Variants in KCNMB2 observed in about 807,000 individuals in gnomAD.
KCNMB2 encodes the protein calcium-activated potassium channel subunit beta-2.
KCNMB2 carries 9 observed loss-of-function variants against 24.5 expected under a neutral mutation model. That is an observed-to-expected ratio of 0.37 (90% CI 0.22 to 0.64). The LOEUF is 0.64. Among genes scored for constraint, KCNMB2 ranks in the 30% least tolerant of loss-of-function variants. The pLI is 0.63. For missense variants in KCNMB2, 226 were observed against 284.3 expected (o/e 0.79, Z 1.47); for synonymous variants, 109 against 104.4 (o/e 1.04, Z -0.27).
intron 1 of KCNMB2, among the ~76,000 whole-genome samples, chr3:178,776,628 G>A (rs987862914): frequency 1.3e-5 from 2 of 152,160 alleles, no homozygotes; most frequent in African/African-American, 2.4e-5. Flanking sequence ...TCACAAGGCA[G>A]GTGGGGAATT....
At chr3:178,636,352 A>T (rs1260713378) in intron 1 of KCNMB2, among the ~76,000 whole-genome samples, 1 of 152,190 alleles carries the variant, frequency 6.6e-6, no homozygotes, top group African/African-American at 2.4e-5. Context: ...CCACTAAAGA[A>T]CTTACTCATG....
chr3:178,770,973 A>T (rs7621138), intron 1 of KCNMB2, among the ~76,000 whole-genome samples: 12 of 152,212 alleles, frequency 7.9e-5, no homozygotes, highest in African/African-American at 2.9e-4. Flanking sequence ...GCACAGGATA[A>T]GTCCAACAGA....
intron 1 of KCNMB2, among the ~76,000 whole-genome samples, chr3:178,601,364 A>C (rs1385084051): frequency 3.3e-5 from 5 of 152,080 alleles, no homozygotes; most frequent in African/African-American, 1.2e-4. Flanking sequence ...AAATAAATAA[A>C]AATTTTAAAA....
In KCNMB2 at chr3:178,568,886, AGATAGATAGATAGATG is replaced by A. The variant is rs1324212007; in HGVS notation, c.-68+32186_-68+32201del. 6.3e-3 allele frequency among the ~76,000 whole-genome samples: 925 copies of A among 147,690 alleles called. 10 individuals are homozygous for A. Among genetic ancestry groups the A allele is most frequent in the African/African-American group, 0.015 (591 of 39,926 alleles). The stretch of plus-strand genomic sequence containing the variant: ...TAGATAGATAGATAGATAGATAGAT[AGATAGATAGATAGATG>A]GATAGATAGACTGAACTAGGACCTT... On this transcript the variant is annotated intron_variant, in intron 1 of 4. Transcript: ENST00000452583.
chr3:178,801,706 C>G (rs1302971725), intron 1 of KCNMB2: 1 of 152,176 alleles, frequency 6.6e-6, no homozygotes, highest in African/African-American at 2.4e-5. Context: ...CAACATTTCT[C>G]TTTATAGTAG....
intron 1 of KCNMB2, among the ~76,000 whole-genome samples, chr3:178,615,717 A>G (rs1046900206): frequency 6.6e-6 from 1 of 152,130 alleles, no homozygotes; most frequent in Non-Finnish European, 1.5e-5. Flanking sequence ...GCCATACAAG[A>G]GTAAAATCCT....
At chr3:178,727,405 A>G (rs1723000746) in intron 1 of KCNMB2, among the ~76,000 whole-genome samples, 1 of 152,192 alleles carries the variant, frequency 6.6e-6, no homozygotes, top group Non-Finnish European at 1.5e-5. Context: ...AAAGATGTCT[A>G]TGTCCTAATC....
At chr3:178,621,148 T>C (rs1182497550) in intron 1 of KCNMB2, among the ~76,000 whole-genome samples, 4 of 152,142 alleles carry the variant, frequency 2.6e-5, no homozygotes, top group Non-Finnish European at 5.9e-5. Flanking sequence ...TACAAAGTCA[T>C]TGAAATAATT....
intron 1 of KCNMB2, among the ~76,000 whole-genome samples, chr3:178,600,722 T>TCC (rs1364652983): frequency 6.6e-6 from 1 of 152,142 alleles, no homozygotes; most frequent in East Asian, 1.9e-4. Context: ...TTTTGTTGGT[T>TCC]CCAAGTCTTT....
rs533491705 is a variant in KCNMB2, at chr3:178,701,385, T to A, written c.-67-105958T>A. 1.7e-3 allele frequency among the ~76,000 whole-genome samples: 262 copies of A among 152,314 alleles called. 1 individual carries two copies. Among genetic ancestry groups the A allele is most frequent in the African/African-American group, 6.0e-3 (250 of 41,580 alleles). ...CCTTGTAGTATAGTTTGAAGTCAGG[T>A]AGCCTGATGCCTCCAGCTTTGTTCC... On this transcript the variant is annotated intron_variant, in intron 1 of 4. Transcript: ENST00000452583.
intron 1 of KCNMB2, among the ~76,000 whole-genome samples, chr3:178,727,975 G>C (rs1723018234): frequency 6.6e-6 from 1 of 152,174 alleles, no homozygotes. Context: ...CATACAGTCA[G>C]TATTGATTTC....
intron 1 of KCNMB2, among the ~76,000 whole-genome samples, chr3:178,662,749 AT>A (rs1720579835): frequency 6.6e-6 from 1 of 152,270 alleles, no homozygotes; most frequent in East Asian, 1.9e-4. Flanking sequence ...AATTCCTGAT[AT>A]AAAATATAAT....
At chr3:178,648,012 T>G (rs1031486653) in intron 1 of KCNMB2, among the ~76,000 whole-genome samples, 3 of 152,156 alleles carry the variant, frequency 2.0e-5, no homozygotes, top group African/African-American at 7.2e-5. Flanking sequence ...TTCTTCTGAC[T>G]TCAAGTGCAC....
chr3:178,568,494 G>A lies in KCNMB2; in HGVS notation c.-68+31783G>A, dbSNP rs538962004. Among the ~76,000 whole-genome samples, 7 of 152,232 alleles carry A rather than the reference G, an allele frequency of 4.6e-5. 1 individual carries two copies. In the Middle Eastern group the frequency reaches 0.02, roughly 444 times the overall value. ...CAGTGATATCTTGAACACTCATAAT[G>A]TCAGAGGAAGGAATTCCGCTTGGAA... On this transcript the variant is annotated intron_variant, in intron 1 of 4. Coordinates refer to ENST00000452583, the MANE Select transcript of KCNMB2 (RefSeq NM_181361.3).
chr3:178,833,693 G>A (rs1390928415), intron 4 of KCNMB2, among the ~76,000 whole-genome samples: 1 of 152,114 alleles, frequency 6.6e-6, no homozygotes, highest in Non-Finnish European at 1.5e-5. Flanking sequence ...AATAGGAGGC[G>A]AAAGGATATT....
intron 1 of KCNMB2, among the ~76,000 whole-genome samples, chr3:178,709,218 G>T (rs1322112237): frequency 6.6e-6 from 1 of 152,130 alleles, no homozygotes; most frequent in Non-Finnish European, 1.5e-5. Flanking sequence ...CAAACAGGAG[G>T]ATTAACATCT....
At chr3:178,683,111 T>C (rs548320545) in intron 1 of KCNMB2, among the ~76,000 whole-genome samples, 27 of 152,114 alleles carry the variant, frequency 1.8e-4, no homozygotes, top group Admixed American at 6.5e-4. Flanking sequence ...CAGTAGATGG[T>C]ACATATACAC....
chr3:178,797,765 T>C (rs1342066750), intron 1 of KCNMB2, among the ~76,000 whole-genome samples: 2 of 152,234 alleles, frequency 1.3e-5, no homozygotes, highest in African/African-American at 4.8e-5. Flanking sequence ...TTCCTATCCA[T>C]GAGCATGAAT....
intron 2 of KCNMB2, among the ~76,000 whole-genome samples, chr3:178,813,156 TA>T (rs1714262197): frequency 1.3e-5 from 2 of 152,160 alleles, no homozygotes; most frequent in South Asian, 4.1e-4. Flanking sequence ...GTTTTGCATT[TA>T]AAAAAAGTGT....
Sources: allele counts gnomAD v4.1 joint callset (sites outside exome capture counted in the v4.1 genomes callset), GRCh38; gene constraint gnomAD v4.1.1; transcripts MANE v1.5; gene names NCBI Gene and HGNC (gene_info 2026-07-23, HGNC 2026-07-21).